The following REXO5 variants were observed in gnomAD, a reference collection of about 807,000 sequenced individuals.
REXO5 encodes RNA exonuclease 5.
In REXO5, 48 loss-of-function variants were observed where a neutral mutation model predicts 88.5. That is an observed-to-expected ratio of 0.54 (90% CI 0.43 to 0.69). The LOEUF is 0.69. REXO5 is among the 30% of genes least tolerant of loss of function. REXO5 has a pLI of 0.00. For missense variants in REXO5, 749 were observed against 912.2 expected, an observed-to-expected ratio of 0.82 and a Z score of 2.30; for synonymous variants, 311 against 336.5, an observed-to-expected ratio of 0.92 and a Z score of 0.83.
chr16:20,821,855 G>A lies in REXO5; in HGVS notation c.569G>A (p.Cys190Tyr), dbSNP rs2081190757. The change falls in exon 6 of 20, where the codon TGC (cysteine) becomes TAC (tyrosine). Residue 190 changes from cysteine to tyrosine, a missense_variant. Transcript: ENST00000261377. ...YGSKKVGLTR[C>Y]LLTKEEMRTF... ...TCTAAGAAAGTGGGCTTGACCAGAT[G>A]CCTTCTGACAAAGGAGGAAATGAGA... 1 of 1,605,412 alleles carries A rather than the reference G, an allele frequency of 6.2e-7. No individual in the cohort carries two copies. Among genetic ancestry groups the A allele is most frequent in the South Asian group, 1.1e-5 (1 of 89,524 alleles).
At chr16:20,806,507 C>T, upstream of REXO5, 1 of 1,543,562 alleles carries the variant, frequency 6.5e-7, no homozygotes, top group East Asian at 2.5e-5. Flanking sequence ...TCAAAAAGCC[C>T]GCGAGGCTGA....
At position 20,828,493 on chromosome 16, in the gene REXO5, A is replaced by G. The variant is rs950038291; in HGVS notation, c.1114A>G (p.Ile372Val). The change falls in exon 11 of 20, where the codon ATC becomes GTC. Residue 372 changes from isoleucine (I) to valine (V), a missense_variant. By Grantham distance (29) the Ile-to-Val change is conservative. Transcript: ENST00000261377. ...GHDATEDART[I>V]LELARYFLKH... is the part of the protein sequence containing the mutation. ...TGATGCCACAGAAGATGCTAGAACA[A>G]TCCTTGAATTGGCTCGGTATTTCCT... 1 of 1,614,044 alleles carries G rather than the reference A, an allele frequency of 6.2e-7. No homozygotes were observed. Among genetic ancestry groups the G allele is most frequent in the Non-Finnish European group, 8.5e-7 (1 of 1,179,938 alleles).
In REXO5 at chr16:20,815,206, G is replaced by A. The variant is rs1009325933; in HGVS notation, c.378+153G>A. 3.9e-5 allele frequency among the ~76,000 whole-genome samples: 6 copies of A among 152,270 alleles called. No homozygotes were observed. In the East Asian group the frequency reaches 1.2e-3, roughly 29 times the overall value. ...GACCTTAGAGGCCTCATGTAGATTT[G>A]TCTCTGATTTTCTTTGGAAATCTAG... On this transcript the variant is annotated intron_variant, in intron 4 of 19. Transcript: ENST00000261377.
At chr16:20,814,785 C>A in intron 3 of REXO5, 142 bp from the exon 4 acceptor site, 2 of 734,492 alleles carry the variant, frequency 2.7e-6, no homozygotes, top group Non-Finnish European at 4.2e-6. Context: ...TCTTCCAGTT[C>A]CAGGCAGACG....
At chr16:20,840,541 G>C (rs1296927434) in intron 15 of REXO5, 73 bp downstream of exon 15, 2 of 1,317,488 alleles carry the variant, frequency 1.5e-6, no homozygotes, top group Middle Eastern at 2.2e-4. Flanking sequence ...GGGCCATGCA[G>C]ATAGCAAATA....
At chr16:20,831,151 G>A (rs1210084353) in intron 11 of REXO5, among the ~76,000 whole-genome samples, 1 of 151,382 alleles carries the variant, frequency 6.6e-6, no homozygotes, top group Non-Finnish European at 1.5e-5. Flanking sequence ...TACTTTTATG[G>A]AAAAAAGAAT....
At chr16:20,837,746 C>T (rs945563908) in intron 13 of REXO5, among the ~76,000 whole-genome samples, 2 of 151,628 alleles carry the variant, frequency 1.3e-5, no homozygotes, top group African/African-American at 4.8e-5. Context: ...TGAAATGCTT[C>T]GATTCTCACT....
chr16:20,825,424 G>GT, intron 7 of REXO5: 1 of 155,124 alleles, frequency 6.4e-6, no homozygotes, highest in Admixed American at 6.5e-5. Flanking sequence ...TGTGAAGTGG[G>GT]GGTAATAATA....
upstream of REXO5, chr16:20,806,462 T>A (rs763985601): frequency 1.9e-6 from 3 of 1,551,464 alleles, no homozygotes; most frequent in Non-Finnish European, 2.6e-6. Context: ...CAAGTCCAGC[T>A]GCCGGAAGTC....
intron 11 of REXO5, among the ~76,000 whole-genome samples, chr16:20,830,053 C>G (rs892984834): frequency 1.3e-5 from 2 of 152,236 alleles, no homozygotes; most frequent in Non-Finnish European, 2.9e-5. Context: ...CTGCTAATCT[C>G]TGCTCTAAAT....
chr16:20,845,826 C>G (rs1310561708), intron 18 of REXO5, among the ~76,000 whole-genome samples: 1 of 151,878 alleles, frequency 6.6e-6, no homozygotes, highest in African/African-American at 2.4e-5. Context: ...CTTGGGAAAC[C>G]CTGTCTTAGT....
At position 20,833,118 on chromosome 16, in the gene REXO5, A is replaced by G; in HGVS notation, c.1378A>G (p.Lys460Glu). The G allele has an allele frequency of 6.2e-7, 1 of 1,613,152 alleles. No individual in the cohort carries two copies. Among genetic ancestry groups the G allele is most frequent in the Non-Finnish European group, 8.5e-7 (1 of 1,179,312 alleles). The change falls in exon 13 of 20, where the codon AAA (lysine) becomes GAA (glutamate). Residue 460 changes from lysine (K) to glutamate (E), a missense_variant. Transcript: ENST00000261377. ...NCQTIKCLSN[K>E]EVLEQARVEI... ...TCAAACTATTAAGTGTCTTTCAAAT[A>G]AAGAGGTGAGTGGCCTGCTGAACCT...
At chr16:20,830,027 A>C (rs1199418249) in intron 11 of REXO5, among the ~76,000 whole-genome samples, 1 of 152,200 alleles carries the variant, frequency 6.6e-6, no homozygotes, top group African/African-American at 2.4e-5. Flanking sequence ...ATTTACAAAA[A>C]AATATGTATT....
chr16:20,815,141 A>G, intron 4 of REXO5, 88 bp downstream of exon 4: 1 of 1,392,710 alleles, frequency 7.2e-7, no homozygotes, highest in African/African-American at 1.5e-5. Context: ...CTCCTTGGCA[A>G]CCTAACTGAA....
At chr16:20,827,480 G>C (rs1236187126) in intron 10 of REXO5, 33 bp downstream of exon 10, 2 of 1,479,042 alleles carry the variant, frequency 1.4e-6, no homozygotes, top group Admixed American at 3.4e-5. Flanking sequence ...ATATTGTTCT[G>C]ACAAACTGCA....
At chr16:20,842,482 G>GTTTTTTTTT (rs34872779) in intron 15 of REXO5, among the ~76,000 whole-genome samples, 1 of 140,342 alleles carries the variant, frequency 7.1e-6, no homozygotes, top group African/African-American at 2.6e-5. Context: ...TGTTTTGTTT[G>GTTTTTTTTT]TTTTTTTTTT....
intron 5 of REXO5, among the ~76,000 whole-genome samples, chr16:20,818,084 A>G (rs2081108585): frequency 6.6e-6 from 1 of 152,158 alleles, no homozygotes; most frequent in African/African-American, 2.4e-5. Context: ...CTTTGCTCCT[A>G]TAAATCTCTA....
intron 11 of REXO5, among the ~76,000 whole-genome samples, 182 bp downstream of exon 11, chr16:20,828,719 G>A (rs2081294872): frequency 6.6e-6 from 1 of 152,054 alleles, no homozygotes; most frequent in Non-Finnish European, 1.5e-5. Context: ...ACCAGGTCAG[G>A]AGTTCGAGAC....
At chr16:20,827,294 C>T in intron 9 of REXO5, 59 bp from the exon 10 acceptor site, 1 of 1,599,290 alleles carries the variant, frequency 6.3e-7, no homozygotes, top group South Asian at 1.1e-5. Context: ...ACCCTGCTAG[C>T]CCACTTGTTT....
Sources: gnomAD v4.1 joint callset for allele counts (sites outside exome capture counted in the v4.1 genomes callset) on GRCh38, gnomAD v4.1.1 for gene constraint, MANE v1.5 for transcripts, NCBI Gene and HGNC (gene_info 2026-07-23, HGNC 2026-07-21) for gene names.